Variants in MORC1 observed in about 807,000 individuals in gnomAD.
MORC1 encodes MORC family CW-type zinc finger 1, also known as MORC family CW-type zinc finger protein 1.
A neutral mutation model predicts 134.9 loss-of-function variants in MORC1; 59 were observed. The observed-to-expected ratio is 0.44, with a 90% CI of 0.35 to 0.54. The LOEUF (loss-of-function observed/expected upper bound fraction) is 0.54. Ranked by LOEUF, MORC1 falls within the 20% of genes least tolerant of loss-of-function variation. MORC1 has a pLI of 0.00. For missense variants in MORC1, 947 were observed against 1,134.5 expected, an observed-to-expected ratio of 0.83 and a Z score of 2.37; for synonymous variants, 395 against 391.7, an observed-to-expected ratio of 1.01 and a Z score of -0.10.
At chr3:109,111,133 A>C (rs1951161774) in intron 2 of MORC1, among the ~76,000 whole-genome samples, 1 of 152,076 alleles carries the variant, frequency 6.6e-6, no homozygotes, top group East Asian at 1.9e-4. Flanking sequence ...TAGTTCAAAA[A>C]AAAAAGAAAA....
intron 16 of MORC1, 70 bp downstream of exon 16, chr3:109,032,650 T>C (rs1258233803): frequency 9.3e-7 from 1 of 1,070,130 alleles, no homozygotes; most frequent in East Asian, 2.6e-5. Context: ...ATTGACATTT[T>C]CAAGGTTCAT....
chr3:109,002,069 T>C (rs1228695659), intron 20 of MORC1, among the ~76,000 whole-genome samples: 2 of 152,136 alleles, frequency 1.3e-5, no homozygotes, highest in Non-Finnish European at 2.9e-5. Flanking sequence ...TCCATCACCA[T>C]CATCCTAGCC....
At chr3:109,079,879 G>C (rs1407273325) in intron 8 of MORC1, among the ~76,000 whole-genome samples, 1 of 152,024 alleles carries the variant, frequency 6.6e-6, no homozygotes, top group Non-Finnish European at 1.5e-5. Flanking sequence ...ACCAAGAAGA[G>C]TCATAAAATA....
intron 24 of MORC1, among the ~76,000 whole-genome samples, chr3:108,977,532 T>C (rs1476149119): frequency 6.6e-6 from 1 of 152,104 alleles, no homozygotes; most frequent in Non-Finnish European, 1.5e-5. Flanking sequence ...GCTACTATTA[T>C]TAAGAAGGCC....
intron 8 of MORC1, among the ~76,000 whole-genome samples, chr3:109,081,379 C>A (rs1382826244): frequency 6.6e-6 from 1 of 151,078 alleles, no homozygotes; most frequent in African/African-American, 2.4e-5. Flanking sequence ...CCACAGAACT[C>A]AAATATCAGG....
chr3:109,100,666 G>A (rs1220429907), intron 4 of MORC1, among the ~76,000 whole-genome samples, 159 bp from the exon 5 acceptor site: 2 of 152,192 alleles, frequency 1.3e-5, no homozygotes, highest in Non-Finnish European at 2.9e-5. Context: ...CACAGTCTCT[G>A]ACAAGGGTCT....
intron 17 of MORC1, among the ~76,000 whole-genome samples, chr3:109,012,357 G>A (rs1948707783): frequency 2.6e-5 from 4 of 152,046 alleles, no homozygotes; most frequent in Admixed American, 2.0e-4. Flanking sequence ...GTTTTATTAT[G>A]AGTATTAAAA....
intron 24 of MORC1, among the ~76,000 whole-genome samples, chr3:108,971,732 GA>G (rs1466054049): frequency 6.8e-6 from 1 of 147,800 alleles, no homozygotes; most frequent in Non-Finnish European, 1.5e-5. Context: ...GGGTACAGGG[GA>G]TCTCTCAGCA....
At chr3:109,006,318 G>A (rs1948539504) in intron 18 of MORC1, among the ~76,000 whole-genome samples, 1 of 152,110 alleles carries the variant, frequency 6.6e-6, no homozygotes, top group Non-Finnish European at 1.5e-5. Context: ...CTGATTCCTT[G>A]ATATACTAGC....
At position 109,009,197 on chromosome 3, in the gene MORC1, G is replaced by GTTTTTTTTTTTTTTTTTTTTT. The variant is rs201228015; in HGVS notation, c.1705-2107_1705-2106insAAAAAAAAAAAAAAAAAAAAA. Among the ~76,000 whole-genome samples the GTTTTTTTTTTTTTTTTTTTTT allele has an allele frequency of 2.2e-5, 3 of 133,810 alleles. 1 individual carries two copies. The highest frequency in any genetic ancestry group is 4.9e-5 in the Non-Finnish European group (3 of 61,518). 87.8% of individuals were successfully genotyped at this position (133,810 alleles called of 152,430 possible). A position where few individuals can be genotyped will look rare whatever the true frequency, so the allele number is the denominator to read the frequency against. ...TTCCTGAGTTCTTTCCTATTTTTAC[G>GTTTTTTTTTTTTTTTTTTTTT]TTTTTTGTTGTTTTTTTTTTTTTTT... On this transcript the variant is annotated intron_variant, in intron 17 of 27. Transcript: ENST00000232603.
intron 18 of MORC1, among the ~76,000 whole-genome samples, chr3:109,006,564 A>T (rs1184023729): frequency 3.3e-5 from 5 of 152,192 alleles, no homozygotes; most frequent in African/African-American, 4.8e-5. Context: ...GACTGATATA[A>T]CTGAGAAGCT....
intron 17 of MORC1, among the ~76,000 whole-genome samples, chr3:109,009,197 GTT>G (rs201228015): frequency 7.5e-6 from 1 of 133,808 alleles, no homozygotes; most frequent in Non-Finnish European, 1.6e-5. Context: ...CTATTTTTAC[GTT>G]TTTTGTTGTT....
At chr3:109,091,973 C>CT (rs1950738462) in intron 8 of MORC1, among the ~76,000 whole-genome samples, 1 of 152,140 alleles carries the variant, frequency 6.6e-6, no homozygotes, top group Non-Finnish European at 1.5e-5. Flanking sequence ...CAAATTATCC[C>CT]TCTAACAATG....
intron 15 of MORC1, among the ~76,000 whole-genome samples, chr3:109,035,043 CT>C (rs1949342037): frequency 6.6e-6 from 1 of 152,170 alleles, no homozygotes; most frequent in Non-Finnish European, 1.5e-5. Context: ...GCCACCATGC[CT>C]GGCCTGAAAC....
intron 9 of MORC1, among the ~76,000 whole-genome samples, chr3:109,066,348 T>C (rs1382010866): frequency 6.7e-6 from 1 of 150,156 alleles, no homozygotes; most frequent in Non-Finnish European, 1.5e-5. Flanking sequence ...TGCAGTGGCA[T>C]GATCTCAGTT....
At chr3:108,994,331 C>T (rs1948141909) in intron 21 of MORC1, among the ~76,000 whole-genome samples, 1 of 151,976 alleles carries the variant, frequency 6.6e-6, no homozygotes, top group Admixed American at 6.5e-5. Flanking sequence ...TGTCAGTCTG[C>T]TCTTGAGGCC....
rs759606203 is a variant in MORC1, at chr3:108,963,512, T to A, written c.2701A>T (p.Ile901Phe). ...DSNTRGIHNE[I>F]SLGQCENKRK... ...TTATTTTCACATTGCCCCAGAGAGATTTCATTATGTATTCCTCTTGTATTT... is the reference window on the plus strand; with the variant it reads ...TTATTTTCACATTGCCCCAGAGAGAATTCATTATGTATTCCTCTTGTATTT... The change falls in exon 27 of 28, where the codon ATC (isoleucine) becomes TTC (phenylalanine). Residue 901 changes from isoleucine to phenylalanine, a missense_variant. This residue lies in a region of MORC1 where 722 missense variants were observed against 817.0 expected (regional missense o/e 0.88). Coordinates refer to ENST00000232603, the MANE Select transcript of MORC1 (RefSeq NM_014429.4). 6.2e-7 allele frequency: 1 copy of A among 1,610,548 alleles called. No individual in the cohort carries two copies. The highest frequency in any genetic ancestry group is 2.2e-5 in the East Asian group (1 of 44,824).
intron 11 of MORC1, among the ~76,000 whole-genome samples, chr3:109,061,461 A>T (rs1053815570): frequency 2.0e-5 from 3 of 152,186 alleles, no homozygotes; most frequent in African/African-American, 7.2e-5. Context: ...AACTGTGTGG[A>T]GAAACTCATA....
rs1202612829 is a variant in MORC1 at position 108,963,401 on chromosome 3, C to A, written c.2799+13G>T. 4.4e-5 allele frequency: 70 copies of A among 1,605,084 alleles called. No individual in the cohort carries two copies. In the East Asian group the frequency reaches 8.5e-4, roughly 19 times the overall value. On this transcript the variant is annotated intron_variant, in intron 27 of 27. Coordinates refer to ENST00000232603, the MANE Select transcript of MORC1 (RefSeq NM_014429.4). ...GTCTACTCCTACTGCTCAAATACAACTTTTTCACTCACCAGTTGGAGTTTC... is the reference window on the plus strand; with the variant it reads ...GTCTACTCCTACTGCTCAAATACAAATTTTTCACTCACCAGTTGGAGTTTC...
Sources: allele counts gnomAD v4.1 joint callset (sites outside exome capture counted in the v4.1 genomes callset), GRCh38; gene constraint gnomAD v4.1.1; regional missense constraint gnomAD v4.1.1; transcripts MANE v1.5; gene names NCBI Gene and HGNC (gene_info 2026-07-23, HGNC 2026-07-21).